FLYWCH1: variants seen among roughly 807,000 people sequenced by gnomAD.
The protein encoded by FLYWCH1 is FLYWCH-type zinc finger-containing protein 1.
FLYWCH1 carries 75 observed loss-of-function variants against 66.4 expected under a neutral mutation model. The observed-to-expected ratio is 1.13, with a 90% CI of 0.94 to 1.37. The LOEUF (loss-of-function observed/expected upper bound fraction) is 1.37. FLYWCH1 is among the 40% of genes most tolerant of loss of function. The pLI is 0.00. For missense variants in FLYWCH1, 1,334 were observed against 1,001.8 expected (o/e 1.33, Z -4.48); for synonymous variants, 595 against 429.9 (o/e 1.38, Z -4.75).
intron 2 of FLYWCH1, among the ~76,000 whole-genome samples, chr16:2,917,585 G>T (rs1001895208): frequency 5.3e-5 from 8 of 152,020 alleles, no homozygotes; most frequent in African/African-American, 1.9e-4. Context: ...AAGAGTAAAT[G>T]AGATGATGTA....
At chr16:2,948,022 CAG>C (rs1402135827) in intron 9 of FLYWCH1, among the ~76,000 whole-genome samples, 21 of 152,070 alleles carry the variant, frequency 1.4e-4, no homozygotes, top group African/African-American at 4.8e-4. Context: ...GCCTGGGTGA[CAG>C]AGTGACACCA....
chr16:2,937,112 T>C lies in FLYWCH1; in HGVS notation c.1514-9T>C, dbSNP rs2071040454. On this transcript the variant is annotated splice_polypyrimidine_tract_variant and intron_variant, in intron 6 of 9. Coordinates refer to ENST00000253928, the MANE Select transcript of FLYWCH1 (RefSeq NM_001308068.2). ...TGTCCGCTGCTCCTCCCCTCCCATTTCTCAACAGGAGGCCCCGAGTTCCTG... is the reference window on the plus strand; with the variant it reads ...TGTCCGCTGCTCCTCCCCTCCCATTCCTCAACAGGAGGCCCCGAGTTCCTG... 1 of 1,595,640 alleles carries C rather than the reference T, an allele frequency of 6.3e-7. No homozygotes were observed. Among genetic ancestry groups the C allele is most frequent in the South Asian group, 1.1e-5 (1 of 88,864 alleles).
At position 2,941,975 on chromosome 16, in the gene FLYWCH1, C is replaced by T. The variant is rs375270575; in HGVS notation, c.2111+1883C>T. On this transcript the variant is annotated intron_variant, in intron 9 of 9. Transcript: ENST00000253928. ...TTGCGCCACTGCACTCCAGCCTGGG[C>T]GACAGAGCAAGACTCATCTCAAAAA... Among the ~76,000 whole-genome samples the T allele has an allele frequency of 1.1e-3, 119 of 106,488 alleles. 1 individual carries two copies. Among genetic ancestry groups the T allele is most frequent in the African/African-American group, 4.1e-3 (109 of 26,266 alleles). The allele number at this position is 106,488 out of a possible 152,430, so 69.9% of individuals were successfully genotyped here.
At chr16:2,946,142 T>G (rs1040340932) in intron 9 of FLYWCH1, among the ~76,000 whole-genome samples, 1 of 152,064 alleles carries the variant, frequency 6.6e-6, no homozygotes, top group African/African-American at 2.4e-5. Flanking sequence ...TTAGGTTAAT[T>G]TATTACTGAA....
At position 2,933,732 on chromosome 16, in the gene FLYWCH1, G is replaced by C. The variant is rs2070873716; in HGVS notation, c.1266G>C (p.Leu422=). 6.2e-7 allele frequency: 1 copy of C among 1,612,808 alleles called. No individual in the cohort carries two copies. Among genetic ancestry groups the C allele is most frequent in the African/African-American group, 1.3e-5 (1 of 74,886 alleles). ...CCTCCCCAGGAGGCCCTGAGTTCCTGAAGACGCCCCTGGGGGGCAGCTTCC... is the reference window on the plus strand; with the variant it reads ...CCTCCCCAGGAGGCCCTGAGTTCCTCAAGACGCCCCTGGGGGGCAGCTTCC... ...MDADPGGPEF[L]KTPLGGSFLV... The change falls in exon 6 of 10, where the codon CTG becomes CTC. Residue 422 remains leucine, a synonymous_variant. Coordinates refer to ENST00000253928, the MANE Select transcript of FLYWCH1 (RefSeq NM_001308068.2).
chr16:2,934,297 T>G (rs919922130), intron 6 of FLYWCH1, among the ~76,000 whole-genome samples: 2 of 152,194 alleles, frequency 1.3e-5, no homozygotes, highest in Non-Finnish European at 2.9e-5. Context: ...GGGTGTTGAC[T>G]GCACATGGTC....
At chr16:2,920,614 C>T (rs1366155693) in intron 2 of FLYWCH1, among the ~76,000 whole-genome samples, 1 of 151,654 alleles carries the variant, frequency 6.6e-6, no homozygotes, top group Non-Finnish European at 1.5e-5. Flanking sequence ...TGGAGTTTTG[C>T]TCTTGTTGCC....
rs761971688 is a variant in FLYWCH1, at chr16:2,929,853, A to G, written c.168A>G (p.Gly56=). The stretch of plus-strand genomic sequence containing the variant: ...CCGACCAAGATGAGGATGGGGTGGG[A>G]TCCAAGCCCCAGGAAGTGCACTGCG... ...TASDQDEDGV[G]SKPQEVHCVL... is the part of the protein sequence containing the mutation. Residue 56 remains glycine (G), a synonymous_variant, in exon 3 of 10, where the codon GGA becomes GGG. Coordinates refer to ENST00000253928, the MANE Select transcript of FLYWCH1 (RefSeq NM_001308068.2). The G allele has an allele frequency of 2.3e-5, 37 of 1,613,786 alleles. No homozygotes were observed. In the Admixed American group the frequency reaches 4.2e-4, roughly 18 times the overall value.
intron 2 of FLYWCH1, among the ~76,000 whole-genome samples, chr16:2,917,780 T>G (rs1435104494): frequency 1.3e-5 from 2 of 152,094 alleles, no homozygotes; most frequent in African/African-American, 4.8e-5. Context: ...TTCCTCCCTC[T>G]TCCTTTGGCC....
chr16:2,942,314 A>C (rs2071301758), intron 9 of FLYWCH1, among the ~76,000 whole-genome samples: 1 of 151,708 alleles, frequency 6.6e-6, no homozygotes, highest in Non-Finnish European at 1.5e-5. Context: ...CGCCTGGCTA[A>C]TTTTTCTATT....
chr16:2,936,145 T>G (rs2070989123), intron 6 of FLYWCH1: 1 of 310,612 alleles, frequency 3.2e-6, no homozygotes, highest in Admixed American at 4.4e-5. Context: ...ACTCCTGACC[T>G]CGTGATCCGC....
Position 2,933,325 on chromosome 16 carries a change from A to C in FLYWCH1, c.992A>C (p.His331Pro). 6.2e-7 allele frequency: 1 copy of C among 1,609,798 alleles called. No homozygotes were observed. Among genetic ancestry groups the C allele is most frequent in the South Asian group, 1.1e-5 (1 of 90,464 alleles). Reference protein sequence around the residue: ...QRVTVMRGHCHQPDMEGLEAR... With the variant: ...QRVTVMRGHCPQPDMEGLEAR... ...GTGACTGTGATGCGTGGGCACTGCC[A>C]CCAGCCCGATATGGAGGGCCTGGAA... is the stretch of plus-strand genomic sequence containing the variant. Residue 331 changes from histidine (H) to proline (P), a missense_variant, in exon 5 of 10, where the codon CAC becomes CCC. Coordinates refer to ENST00000253928, the MANE Select transcript of FLYWCH1 (RefSeq NM_001308068.2).
At position 2,950,689 on chromosome 16, in the gene FLYWCH1, A is replaced by T. The variant is rs1379267331; in HGVS notation, c.*1962A>T. ...GTATGAGGCGAATCAGAGGAAGAAT[A>T]TCGGCTTCTCTTCCCTTTTGGATAT... On this transcript the variant is annotated 3_prime_UTR_variant, in exon 10 of 10. Coordinates refer to ENST00000253928, the MANE Select transcript of FLYWCH1 (RefSeq NM_001308068.2). The T allele has an allele frequency of 2.0e-5, 3 of 152,258 alleles. No homozygotes were observed. Among genetic ancestry groups the T allele is most frequent in the Non-Finnish European group, 4.4e-5 (3 of 68,070 alleles). 9.4% of individuals were successfully genotyped at this position (152,258 alleles called of 1,614,324 possible).
intron 9 of FLYWCH1, among the ~76,000 whole-genome samples, chr16:2,943,894 G>C (rs545168561): frequency 6.6e-6 from 1 of 151,986 alleles, no homozygotes; most frequent in Non-Finnish European, 1.5e-5. Flanking sequence ...CCAAGATCAC[G>C]ACATTGCACT....
intron 7 of FLYWCH1, 145 bp downstream of exon 7, chr16:2,937,529 C>T (rs1477950649): frequency 2.9e-6 from 3 of 1,027,882 alleles, no homozygotes; most frequent in Non-Finnish European, 4.0e-6. Flanking sequence ...GGGCAGGAGG[C>T]TCCATCTGCG....
At chr16:2,912,515 G>A (rs1222325177) in intron 1 of FLYWCH1, among the ~76,000 whole-genome samples, 1 of 152,230 alleles carries the variant, frequency 6.6e-6, no homozygotes, top group African/African-American at 2.4e-5. Flanking sequence ...TGCGGGTCGG[G>A]ACGCACCCCG....
At chr16:2,946,360 C>T (rs1055111262) in intron 9 of FLYWCH1, among the ~76,000 whole-genome samples, 4 of 121,658 alleles carry the variant, frequency 3.3e-5, no homozygotes, top group African/African-American at 1.3e-4. Context: ...CTCGTTCTGT[C>T]CCCCAGGCTG....
chr16:2,940,141 T>A (rs769171337), intron 9 of FLYWCH1, 49 bp downstream of exon 9: 1 of 883,428 alleles, frequency 1.1e-6, no homozygotes, highest in Non-Finnish European at 1.9e-6. Flanking sequence ...CAACAAAACG[T>A]AGTGGGCTTA....
intron 9 of FLYWCH1, among the ~76,000 whole-genome samples, chr16:2,948,306 C>A (rs987956601): frequency 6.6e-6 from 1 of 152,026 alleles, no homozygotes; most frequent in African/African-American, 2.4e-5. Flanking sequence ...TGCCTGTAAT[C>A]CCAGCACTTT....
Sources: allele counts gnomAD v4.1 joint callset (sites outside exome capture counted in the v4.1 genomes callset), GRCh38; gene constraint gnomAD v4.1.1; transcripts MANE v1.5; gene names NCBI Gene and HGNC (gene_info 2026-07-23, HGNC 2026-07-21).